Variants in RNF220 observed in about 807,000 individuals in gnomAD.
RNF220 encodes the protein ring finger protein 220, also known as E3 ubiquitin-protein ligase RNF220.
RNF220 carries 7 observed loss-of-function variants against 67.1 expected under a neutral mutation model. That is an observed-to-expected ratio of 0.10 (90% confidence interval 0.06 to 0.20). The LOEUF is 0.20. Among genes scored for constraint, RNF220 ranks in the 10% least tolerant of loss-of-function variants. RNF220 has a pLI of 1.00. For synonymous variants in RNF220, 270 were observed against 283.2 expected, an observed-to-expected ratio of 0.95 and a Z score of 0.47; for missense variants, 565 against 740.3, an observed-to-expected ratio of 0.76 and a Z score of 2.75.
chr1:44,468,409 C>T (rs1053012847), intron 2 of RNF220, among the ~76,000 whole-genome samples: 2 of 152,042 alleles, frequency 1.3e-5, no homozygotes, highest in Admixed American at 6.6e-5. Context: ...GACGTGGAAG[C>T]GGAGTGCATT....
At chr1:44,500,779 G>T (rs1344512403) in intron 2 of RNF220, among the ~76,000 whole-genome samples, 1 of 151,400 alleles carries the variant, frequency 6.6e-6, no homozygotes, top group Non-Finnish European at 1.5e-5. Context: ...GCTGCTGAGG[G>T]AGGGAGTCTC....
chr1:44,476,434 G>A (rs990697019), intron 2 of RNF220, among the ~76,000 whole-genome samples: 1 of 152,188 alleles, frequency 6.6e-6, no homozygotes, highest in African/African-American at 2.4e-5. Flanking sequence ...AAGAAATTTA[G>A]AGTTAGAAAA....
chr1:44,560,172 T>C (rs752435472), intron 2 of RNF220, among the ~76,000 whole-genome samples: 1 of 152,206 alleles, frequency 6.6e-6, no homozygotes, highest in Non-Finnish European at 1.5e-5. Flanking sequence ...AAATCATCCA[T>C]GTGCCTGGCA....
chr1:44,477,460 A>T (rs1417896449), intron 2 of RNF220, among the ~76,000 whole-genome samples: 1 of 152,266 alleles, frequency 6.6e-6, no homozygotes, highest in Non-Finnish European at 1.5e-5. Context: ...GAGCAAGGAC[A>T]TTTCAAAAAG....
At position 44,622,171 on chromosome 1, in the gene RNF220, C is replaced by A. The variant is rs909690540; in HGVS notation, c.759-571C>A. 3.3e-5 allele frequency among the ~76,000 whole-genome samples: 5 copies of A among 152,198 alleles called. No homozygotes were observed. The highest frequency in any genetic ancestry group is 5.9e-5 in the Non-Finnish European group (4 of 68,030). On this transcript the variant is annotated intron_variant, in intron 3 of 14. Transcript: ENST00000361799. This position sits in a 1 kb window ranked among gnomAD's most constrained non-coding sequence, Gnocchi z 4.3. ...TCCCCCACAGCCCATCCATCACCTC[C>A]CACCCCAGCCCCCGCCTGCTCTGAG...
chr1:44,448,261 T>G (rs1358120774), intron 2 of RNF220, among the ~76,000 whole-genome samples: 2 of 152,260 alleles, frequency 1.3e-5, no homozygotes, highest in Non-Finnish European at 2.9e-5. Flanking sequence ...ATTGCCGCAC[T>G]GCAGCCTGAG....
intron 2 of RNF220, among the ~76,000 whole-genome samples, chr1:44,471,290 G>A (rs1362656843): frequency 1.3e-5 from 2 of 151,886 alleles, no homozygotes; most frequent in South Asian, 2.1e-4. Context: ...GCTGGGCGAG[G>A]TGTTGGGTGC....
At chr1:44,476,484 G>T (rs977689308) in intron 2 of RNF220, among the ~76,000 whole-genome samples, 16 of 152,176 alleles carry the variant, frequency 1.1e-4, no homozygotes, top group African/African-American at 3.6e-4. Context: ...AGCTTAGCTG[G>T]GTAGTTGTAC....
chr1:44,407,654 C>T (rs1271274127), intron 1 of RNF220, among the ~76,000 whole-genome samples: 1 of 152,026 alleles, frequency 6.6e-6, no homozygotes, highest in African/African-American at 2.4e-5. Flanking sequence ...GCGAGCCGCG[C>T]GGTGTGCGGC....
chr1:44,624,519 C>G lies in RNF220; in HGVS notation c.804+1732C>G, dbSNP rs950601033. 2.6e-5 allele frequency among the ~76,000 whole-genome samples: 4 copies of G among 152,194 alleles called. No homozygotes were observed. The highest frequency in any genetic ancestry group is 4.4e-5 in the Non-Finnish European group (3 of 68,050). On this transcript the variant is annotated intron_variant, in intron 4 of 14. Coordinates refer to ENST00000361799, the MANE Select transcript of RNF220 (RefSeq NM_018150.4). This position sits in a 1 kb window ranked among gnomAD's most constrained non-coding sequence, Gnocchi z 4.2. ...GACCATGAGACACAGAGATAAGGGA[C>G]ACTTGCTCACCCACTTCCAGATATA...
chr1:44,540,928 A>G (rs1200478099), intron 2 of RNF220, among the ~76,000 whole-genome samples: 1 of 151,962 alleles, frequency 6.6e-6, no homozygotes, highest in Non-Finnish European at 1.5e-5. Context: ...TGGGGCAGGG[A>G]GTGAACCAAG....
At chr1:44,457,789 A>G (rs1240840740) in intron 2 of RNF220, among the ~76,000 whole-genome samples, 1 of 152,188 alleles carries the variant, frequency 6.6e-6, no homozygotes, top group Non-Finnish European at 1.5e-5. Context: ...CATAAAAAGT[A>G]CCACATATAC....
At chr1:44,418,325 G>C (rs1648814258) in intron 2 of RNF220, among the ~76,000 whole-genome samples, 1 of 152,216 alleles carries the variant, frequency 6.6e-6, no homozygotes, top group Admixed American at 6.5e-5. Context: ...CAGCGCCTGG[G>C]GACCTCGCTG....
chr1:44,416,309 C>G (rs576433549), intron 2 of RNF220, among the ~76,000 whole-genome samples: 14 of 152,334 alleles, frequency 9.2e-5, no homozygotes, highest in African/African-American at 3.1e-4. Context: ...GGACCAATTA[C>G]AAGTAGTTCA....
At chr1:44,506,340 G>A (rs1244932631) in intron 2 of RNF220, among the ~76,000 whole-genome samples, 2 of 152,388 alleles carry the variant, frequency 1.3e-5, no homozygotes, top group East Asian at 1.9e-4. Context: ...ATGGTCTTCA[G>A]TGGCCAGTGG....
intron 1 of RNF220, among the ~76,000 whole-genome samples, chr1:44,407,576 C>A (rs967019197): frequency 2.6e-5 from 4 of 152,094 alleles, no homozygotes; most frequent in Non-Finnish European, 5.9e-5. Context: ...GGCGGCGCCG[C>A]GTCGCGCCGC....
At chr1:44,475,622 T>A (rs2148006394) in intron 2 of RNF220, among the ~76,000 whole-genome samples, 1 of 149,914 alleles carries the variant, frequency 6.7e-6, no homozygotes, top group Admixed American at 6.6e-5. Flanking sequence ...TGTTTAATGA[T>A]ATACAGGACT....
At chr1:44,437,585 A>G (rs564703764) in intron 2 of RNF220, among the ~76,000 whole-genome samples, 1 of 152,314 alleles carries the variant, frequency 6.6e-6, no homozygotes, top group African/African-American at 2.4e-5. Flanking sequence ...TGAAGAAATC[A>G]GTCACTGGTT....
intron 2 of RNF220, among the ~76,000 whole-genome samples, chr1:44,529,315 A>G (rs1457841151): frequency 6.6e-6 from 1 of 152,070 alleles, no homozygotes; most frequent in Non-Finnish European, 1.5e-5. Flanking sequence ...AATAATGTTA[A>G]GTAAAACTAT....
Sources: allele counts gnomAD v4.1 joint callset (sites outside exome capture counted in the v4.1 genomes callset), GRCh38; gene constraint gnomAD v4.1.1; non-coding constraint Gnocchi (gnomAD v3.1); transcripts MANE v1.5; gene names NCBI Gene and HGNC (gene_info 2026-07-23, HGNC 2026-07-21).